The following DNAH9 variants were observed in gnomAD, a reference collection of about 807,000 sequenced individuals.
DNAH9 encodes dynein axonemal heavy chain 9, also known as DNAH9 variant protein.
In DNAH9, 345 loss-of-function variants were observed where a neutral mutation model predicts 471.6. The ratio of observed to expected loss-of-function variants is 0.73; its 90% CI spans 0.67 to 0.80. The LOEUF (loss-of-function observed/expected upper bound fraction) is 0.80, where lower values mean the gene tolerates loss of function less well. DNAH9 is among the 30% of genes least tolerant of loss of function. The pLI, the probability that DNAH9 is intolerant of heterozygous loss-of-function variation, is 0.00. For synonymous variants in DNAH9, 2,093 were observed against 2,123.6 expected, an observed-to-expected ratio of 0.99 and a Z score of 0.40; for missense variants, 5,407 against 5,609.2, an observed-to-expected ratio of 0.96 and a Z score of 1.15.
intron 7 of DNAH9, among the ~76,000 whole-genome samples, chr17:11,631,820 C>T (rs893437528): frequency 9.9e-5 from 15 of 150,802 alleles, no homozygotes; most frequent in Admixed American, 2.0e-4. Flanking sequence ...TTTTCATACC[C>T]TTTTTTTTTC....
intron 43 of DNAH9, among the ~76,000 whole-genome samples, chr17:11,805,480 C>G (rs1271533726): frequency 7.2e-6 from 1 of 138,706 alleles, no homozygotes; most frequent in African/African-American, 2.6e-5. Flanking sequence ...AATTCAATCT[C>G]AAACGTATCC....
chr17:11,872,748 G>A (rs1972325738), intron 52 of DNAH9, among the ~76,000 whole-genome samples: 1 of 152,016 alleles, frequency 6.6e-6, no homozygotes, highest in South Asian at 2.1e-4. Context: ...GTGAAACCAC[G>A]TCTCTACTAA....
chr17:11,798,432 CAAAAAAAAAAAAA>C (rs71142247), intron 43 of DNAH9, among the ~76,000 whole-genome samples: 4 of 61,592 alleles, frequency 6.5e-5, no homozygotes, highest in Admixed American at 2.2e-4. Flanking sequence ...GACTCTGCCT[CAAAAAAAAAAAAA>C]AAAAAAAAAA....
chr17:11,935,309 C>A (rs1974669287), intron 65 of DNAH9, among the ~76,000 whole-genome samples: 1 of 151,500 alleles, frequency 6.6e-6, no homozygotes, highest in Non-Finnish European at 1.5e-5. Context: ...GTTACTATTA[C>A]CACAGCTATG....
intron 17 of DNAH9, among the ~76,000 whole-genome samples, chr17:11,673,094 C>T (rs1311335112): frequency 1.3e-5 from 2 of 152,186 alleles, no homozygotes; most frequent in Non-Finnish European, 2.9e-5. Flanking sequence ...AAAATCAAAC[C>T]AGTCTTCTGA....
intron 6 of DNAH9, among the ~76,000 whole-genome samples, chr17:11,622,823 C>A (rs575583211): frequency 6.6e-6 from 1 of 152,092 alleles, no homozygotes; most frequent in East Asian, 1.9e-4. Context: ...AAAGCAGTTG[C>A]CCCCATTTAA....
chr17:11,731,522 T>C (rs1442212044), intron 28 of DNAH9, among the ~76,000 whole-genome samples: 1 of 150,340 alleles, frequency 6.7e-6, no homozygotes, highest in Non-Finnish European at 1.5e-5. Context: ...TTACATTAGG[T>C]ATATCTCCTA....
intron 24 of DNAH9, among the ~76,000 whole-genome samples, chr17:11,702,862 G>T (rs998792789): frequency 3.3e-5 from 5 of 152,112 alleles, no homozygotes; most frequent in African/African-American, 1.2e-4. Flanking sequence ...GGAGGCTGAG[G>T]TGGGTGGATC....
intron 62 of DNAH9, among the ~76,000 whole-genome samples, chr17:11,925,921 C>T (rs1974303868): frequency 6.6e-6 from 1 of 150,530 alleles, no homozygotes; most frequent in South Asian, 2.1e-4. Context: ...TTTGTGAAAT[C>T]TCTTGTAGGA....
intron 17 of DNAH9, among the ~76,000 whole-genome samples, chr17:11,679,055 A>G (rs1465734178): frequency 6.6e-6 from 1 of 152,094 alleles, no homozygotes; most frequent in Non-Finnish European, 1.5e-5. Context: ...CAGTTATTGT[A>G]TAATTTTGCT....
In DNAH9 at chr17:11,812,750, C is replaced by G. The variant is rs531140280; in HGVS notation, c.8707+2381C>G. ...AGAGTTTGCCTACCAACTCTTACAC[C>G]TTTTCTCCTCCAATGCCACAATTTT... is the stretch of plus-strand genomic sequence containing the variant. On this transcript the variant is annotated intron_variant, in intron 45 of 68. Coordinates refer to ENST00000262442, the MANE Select transcript of DNAH9 (RefSeq NM_001372.4). Among the ~76,000 whole-genome samples, 3 of 152,258 alleles carry G rather than the reference C, an allele frequency of 2.0e-5. No individual in the cohort carries two copies. The South Asian group carries it at 6.2e-4, about 32-fold the overall frequency.
intron 49 of DNAH9, among the ~76,000 whole-genome samples, chr17:11,848,929 C>A (rs778998422): frequency 6.6e-6 from 1 of 151,906 alleles, no homozygotes; most frequent in African/African-American, 2.4e-5. Flanking sequence ...CTCTGCCTCC[C>A]GGGTTCACGC....
At chr17:11,880,735 C>T (rs966419805) in intron 54 of DNAH9, among the ~76,000 whole-genome samples, 1 of 152,150 alleles carries the variant, frequency 6.6e-6, no homozygotes, top group Non-Finnish European at 1.5e-5. Context: ...TCAGGAGCCT[C>T]ACCCACTGCT....
chr17:11,775,872 G>A (rs1225034728), intron 38 of DNAH9, among the ~76,000 whole-genome samples: 2 of 152,116 alleles, frequency 1.3e-5, no homozygotes, highest in African/African-American at 2.4e-5. Context: ...GATTATAGGC[G>A]TGAGCCACCG....
intron 28 of DNAH9, among the ~76,000 whole-genome samples, chr17:11,729,836 G>A (rs953973738): frequency 3.9e-5 from 6 of 152,208 alleles, no homozygotes; most frequent in South Asian, 2.1e-4. Flanking sequence ...AGGTGTGGAC[G>A]TGGGGCTGTG....
In DNAH9 at chr17:11,619,719, T is replaced by C. The variant is rs766008982; in HGVS notation, c.1288T>C (p.Phe430Leu). ...KENQEVKEWD[F>L]QSSLVFVRLD... ...GAACCAGGAAGTCAAGGAATGGGAT[T>C]TCCAGTCTTCTTTGGTCTTTGTGCG... Residue 430 changes from phenylalanine to leucine, a missense_variant, in exon 6 of 69, where the codon TTC becomes CTC. Physicochemically the swap from Phe to Leu is conservative, Grantham distance 22. Transcript: ENST00000262442. The C allele has an allele frequency of 8.1e-6, 13 of 1,614,008 alleles. No homozygotes were observed. Among genetic ancestry groups the C allele is most frequent in the East Asian group, 2.2e-5 (1 of 44,884 alleles).
chr17:11,733,145 C>T (rs2075294847), intron 28 of DNAH9, among the ~76,000 whole-genome samples: 1 of 152,124 alleles, frequency 6.6e-6, no homozygotes. Context: ...GTGGAGCGGG[C>T]CAGGGAGGAT....
intron 5 of DNAH9, among the ~76,000 whole-genome samples, chr17:11,618,440 G>A: frequency 6.6e-6 from 1 of 152,082 alleles, no homozygotes; most frequent in East Asian, 1.9e-4. Flanking sequence ...ACAAAAATTA[G>A]CTGGGCGTGG....
intron 6 of DNAH9, among the ~76,000 whole-genome samples, chr17:11,621,407 C>CAAAAAA (rs34933930): frequency 2.1e-4 from 15 of 72,492 alleles, no homozygotes; most frequent in South Asian, 1.1e-3. Flanking sequence ...GACTCCATCT[C>CAAAAAA]AAAAAAAAAA....
Sources: allele counts gnomAD v4.1 joint callset (sites outside exome capture counted in the v4.1 genomes callset), GRCh38; gene constraint gnomAD v4.1.1; transcripts MANE v1.5; gene names NCBI Gene and HGNC (gene_info 2026-07-23, HGNC 2026-07-21).